Variants in PFAS observed in about 807,000 individuals in gnomAD.
PFAS encodes phosphoribosylformylglycinamidine synthase.
In PFAS, 97 loss-of-function variants were observed where a neutral mutation model predicts 140.6. That is an observed-to-expected ratio of 0.69 (90% CI 0.59 to 0.82). The LOEUF is 0.82. PFAS is among the 40% of genes least tolerant of loss of function. The pLI is 0.00. For missense variants in PFAS, 1,656 were observed against 1,780.2 expected, an observed-to-expected ratio of 0.93 and a Z score of 1.26; for synonymous variants, 679 against 718.8, an observed-to-expected ratio of 0.94 and a Z score of 0.88.
At chr17:8,247,840 C>T (rs1988889765), upstream of PFAS, 2 of 669,236 alleles carry the variant, frequency 3.0e-6, no homozygotes, top group Admixed American at 5.2e-5. Context: ...AATAAACATT[C>T]GCAGAACCAG....
Position 8,254,015 on chromosome 17 carries a change from G to A in PFAS, c.78G>A (p.Leu26=). Residue 26 remains leucine, a synonymous_variant, in exon 2 of 28, where the codon CTG becomes CTA. Transcript: ENST00000314666. ...GAAPGHTRRK[L]QGKLPELQGV... Reference sequence around the variant, plus strand: ...CCCCTGGACACACTCGGAGGAAACTGCAAGGGAAACTGCCAGAGCTGCAGG... The same window carrying A: ...CCCCTGGACACACTCGGAGGAAACTACAAGGGAAACTGCCAGAGCTGCAGG... 6.2e-7 allele frequency: 1 copy of A among 1,614,128 alleles called. No homozygotes were observed. Among genetic ancestry groups the A allele is most frequent in the Non-Finnish European group, 8.5e-7 (1 of 1,179,968 alleles).
At chr17:8,255,729 G>A in intron 5 of PFAS, 38 bp downstream of exon 5, 1 of 1,604,574 alleles carries the variant, frequency 6.2e-7, no homozygotes, top group East Asian at 2.2e-5. Context: ...GTCCAGGATA[G>A]GCCAGTAGGG....
chr17:8,253,752 T>C, intron 1 of PFAS, 107 bp from the exon 2 acceptor site: 2 of 683,632 alleles, frequency 2.9e-6, no homozygotes, highest in Non-Finnish European at 4.5e-6. Flanking sequence ...TTGGCCGGGC[T>C]GATCTCCAAC....
In PFAS at chr17:8,256,402, C is replaced by T. The variant is rs1312995496; in HGVS notation, c.816C>T (p.Asn272=). The T allele has an allele frequency of 2.5e-6, 4 of 1,613,984 alleles. No homozygotes were observed. The highest frequency in any genetic ancestry group is 3.3e-5 in the Admixed American group (2 of 60,006). ...NPNNVLKFCD[N]SSAIQGKEVR... ...ACAACGTCCTCAAATTCTGTGATAA[C>T]AGCAGGTGCTGTGCCCTAGACTGGG... Residue 272 remains asparagine, a synonymous_variant, in exon 7 of 28, where the codon AAC becomes AAT. Transcript: ENST00000314666.
chr17:8,265,872 C>G lies in PFAS; in HGVS notation c.2556C>G (p.Leu852=), dbSNP rs140426424. 72 of 1,605,642 alleles carry G rather than the reference C, an allele frequency of 4.5e-5. No individual in the cohort carries two copies. The highest frequency in any genetic ancestry group is 5.1e-5 in the Admixed American group (3 of 59,390). ...LKHPEGRGHL[L]YVALSPGQHR... ...TCCCCGTCTCCCCAGGCCATCTGCT[C>G]TATGTGGCTCTGAGCCCTGGGCAGC... The change falls in exon 21 of 28, where the codon CTC becomes CTG. Residue 852 remains leucine (L), a synonymous_variant. Transcript: ENST00000314666.
chr17:8,264,717 G>A, intron 17 of PFAS, 116 bp downstream of exon 17: 1 of 1,227,940 alleles, frequency 8.1e-7, no homozygotes, highest in Non-Finnish European at 1.1e-6. Context: ...GGAAGCAGCA[G>A]GGGCAGGGCA....
chr17:8,265,727 C>A, intron 20 of PFAS, 88 bp downstream of exon 20: 1 of 1,387,610 alleles, frequency 7.2e-7, no homozygotes, highest in Non-Finnish European at 1.0e-6. Context: ...CCCATCTCAA[C>A]ACTGGGCTGT....
chr17:8,264,337 G>A lies in PFAS; in HGVS notation c.1917G>A (p.Lys639=), dbSNP rs1266290987. Residue 639 remains lysine, a splice_region_variant and synonymous_variant, in exon 16 of 28, where the codon AAG becomes AAA. Transcript: ENST00000314666. ...LEWVLGKMPR[K]EFFLQRKPPM... Reference sequence around the variant, plus strand: ...GGGTGCTGGGCAAGATGCCTCGGAAGGTATGTGGGGTTGAGGGGATGGGTT... The same window carrying A: ...GGGTGCTGGGCAAGATGCCTCGGAAAGTATGTGGGGTTGAGGGGATGGGTT... The A allele has an allele frequency of 1.6e-5, 26 of 1,613,688 alleles. No homozygotes were observed. The highest frequency in any genetic ancestry group is 1.9e-5 in the Non-Finnish European group (23 of 1,179,872).
intron 20 of PFAS, 73 bp downstream of exon 20, chr17:8,265,712 G>T: frequency 6.9e-7 from 1 of 1,449,308 alleles, no homozygotes; most frequent in Non-Finnish European, 9.7e-7. Flanking sequence ...TGTGAGTGCT[G>T]GGCCCCCATC....
intron 1 of PFAS, among the ~76,000 whole-genome samples, chr17:8,250,837 TA>T (rs776680417): frequency 6.6e-6 from 1 of 152,200 alleles, no homozygotes; most frequent in East Asian, 1.9e-4. Context: ...CTAGGGTTTT[TA>T]AAAAAGAGTT....
At position 8,257,897 on chromosome 17, in the gene PFAS, C is replaced by G. The variant is rs545589069; in HGVS notation, c.1166C>G (p.Ala389Gly). 1.5e-5 allele frequency: 25 copies of G among 1,614,068 alleles called. No individual in the cohort carries two copies. The highest frequency in any genetic ancestry group is 3.3e-4 in the Middle Eastern group (2 of 6,084). Residue 389 changes from alanine to glycine, a missense_variant, in exon 10 of 28, where the codon GCT (alanine) becomes GGT (glycine). Physicochemically the swap from Ala to Gly is moderately conservative, Grantham distance 60. Coordinates refer to ENST00000314666, the MANE Select transcript of PFAS (RefSeq NM_012393.3). ...LEVAIEASNG[A>G]SDYGNKFGEP... ...GTTGCCATTGAAGCCAGTAATGGAG[C>G]TTCTGACTATGGCAACAAGTTTGGG... is the stretch of plus-strand genomic sequence containing the variant.
At position 8,264,563 on chromosome 17, in the gene PFAS, C is replaced by T. The variant is rs1989733946; in HGVS notation, c.2011C>T (p.Leu671=). ...VHQALERVLR[L]PAVASKRYLT... is the part of the protein sequence containing the mutation. ...CCAGGCTCTGGAGAGGGTTCTGAGG[C>T]TGCCCGCCGTGGCCAGCAAGCGCTA... The change falls in exon 17 of 28, where the codon CTG becomes TTG. Residue 671 remains leucine, a synonymous_variant. Coordinates refer to ENST00000314666, the MANE Select transcript of PFAS (RefSeq NM_012393.3). 2 of 1,613,336 alleles carry T rather than the reference C, an allele frequency of 1.2e-6. No homozygotes were observed. The highest frequency in any genetic ancestry group is 1.3e-5 in the African/African-American group (1 of 74,906).
At chr17:8,258,638 C>A (rs1989468989) in intron 11 of PFAS, among the ~76,000 whole-genome samples, 1 of 152,004 alleles carries the variant, frequency 6.6e-6, no homozygotes, top group African/African-American at 2.4e-5. Flanking sequence ...ATCAGGAGTT[C>A]AAGACCAGCC....
chr17:8,269,405 G>A lies in PFAS; in HGVS notation c.*141G>A, dbSNP rs548921786. On this transcript the variant is annotated 3_prime_UTR_variant, in exon 28 of 28. Coordinates refer to ENST00000314666, the MANE Select transcript of PFAS (RefSeq NM_012393.3). The stretch of plus-strand genomic sequence containing the variant: ...AGGACCAAAATGCCAAAATCTCAGC[G>A]GACTCGATAATCTGCCTGCTGATGT... 1.9e-4 allele frequency: 115 copies of A among 619,184 alleles called. No homozygotes were observed. The highest frequency in any genetic ancestry group is 1.5e-3 in the South Asian group (70 of 48,120). 38.4% of individuals were successfully genotyped at this position (619,184 alleles called of 1,614,324 possible). A position where few individuals can be genotyped will look rare whatever the true frequency, so the allele number is the denominator to read the frequency against.
In PFAS at chr17:8,263,037, G is replaced by T. The variant is rs1269751806; in HGVS notation, c.1410+44G>T. 4 of 1,607,488 alleles carry T rather than the reference G, an allele frequency of 2.5e-6. No homozygotes were observed. The South Asian group carries it at 4.4e-5, about 18-fold the overall frequency. On this transcript the variant is annotated intron_variant, in intron 12 of 27. Coordinates refer to ENST00000314666, the MANE Select transcript of PFAS (RefSeq NM_012393.3). ...AGGTGCAGAATCCTTGATATAACCG[G>T]GCCCCAGGCATAGGGGAGCGTATAG...
In PFAS at chr17:8,268,812, G is replaced by A. The variant is rs1989929172; in HGVS notation, c.3662G>A (p.Gly1221Glu). ...CCTGGGCCAGCCCTGATGCTGCGAG[G>A]GATGGAGGGCGCCGTGCTGCCCGTG... is the stretch of plus-strand genomic sequence containing the variant. The part of the protein sequence containing the change: ...VGPGPALMLR[G>E]MEGAVLPVWS... Residue 1221 changes from glycine to glutamate, a missense_variant, in exon 27 of 28, where the codon GGG becomes GAG. Around this residue, in one of 2 missense-constraint regions of PFAS, gnomAD observed 883 missense variants for 1,023.0 expected, o/e 0.86. Coordinates refer to ENST00000314666, the MANE Select transcript of PFAS (RefSeq NM_012393.3). 1.2e-6 allele frequency: 2 copies of A among 1,608,038 alleles called. No individual in the cohort carries two copies. Among genetic ancestry groups the A allele is most frequent in the African/African-American group, 1.3e-5 (1 of 74,928 alleles).
rs1989270843 is a variant in PFAS, at chr17:8,254,256, G to C, written c.233G>C (p.Trp78Ser). ...CTGGATGATGTTGCTCGGGAGTCCT[G>C]GCTCCTTCCTGGCTCCAATGACCTG... ...LLLDDVARESWLLPGSNDLLL... is the reference protein window; with the variant it reads ...LLLDDVARESSLLPGSNDLLL... The change falls in exon 3 of 28, where the codon TGG becomes TCG. Residue 78 changes from tryptophan to serine, a missense_variant. Physicochemically the swap from Trp to Ser is radical, Grantham distance 177. Around this residue, in one of 2 missense-constraint regions of PFAS, gnomAD observed 773 missense variants for 757.3 expected, o/e 1.02. Coordinates refer to ENST00000314666, the MANE Select transcript of PFAS (RefSeq NM_012393.3). The C allele has an allele frequency of 6.2e-7, 1 of 1,614,056 alleles. No homozygotes were observed. The highest frequency in any genetic ancestry group is 8.5e-7 in the Non-Finnish European group (1 of 1,179,998).
upstream of PFAS, chr17:8,248,120 C>G (rs1988941077): frequency 3.9e-6 from 4 of 1,026,826 alleles, no homozygotes; most frequent in Non-Finnish European, 1.5e-6. Flanking sequence ...GGTGACGTCA[C>G]CGGTGAGCGG....
Position 8,253,742 on chromosome 17 carries a change from T to G in PFAS, c.-79-117T>G, listed in dbSNP as rs1217808996. The G allele has an allele frequency of 5.1e-6, 3 of 586,414 alleles. No individual in the cohort carries two copies. In the African/African-American group the frequency reaches 5.6e-5, roughly 11 times the overall value. 36.3% of individuals were successfully genotyped at this position (586,414 alleles called of 1,614,324 possible). On this transcript the variant is annotated intron_variant, in intron 1 of 27. Coordinates refer to ENST00000314666, the MANE Select transcript of PFAS (RefSeq NM_012393.3). ...TTAGTAGAGACAGGGTTTCACTATG[T>G]TGGCCGGGCTGATCTCCAACTCCTG...
Sources: allele counts gnomAD v4.1 joint callset (sites outside exome capture counted in the v4.1 genomes callset), GRCh38; gene constraint gnomAD v4.1.1; regional missense constraint gnomAD v4.1.1; transcripts MANE v1.5; gene names NCBI Gene and HGNC (gene_info 2026-07-23, HGNC 2026-07-21).